DACH2: variants seen among roughly 807,000 people sequenced by gnomAD.
DACH2 encodes the protein dachshund homolog 2.
DACH2 carries 17 observed loss-of-function variants against 35.8 expected under a neutral mutation model. The observed-to-expected ratio is 0.48, with a 90% CI of 0.33 to 0.71. The LOEUF (loss-of-function observed/expected upper bound fraction) is 0.71, where lower values mean the gene tolerates loss of function less well. Ranked by LOEUF, DACH2 falls within the 30% of genes least tolerant of loss-of-function variation. The probability of loss-of-function intolerance (pLI) is 0.02; values close to 1 mark genes in which losing one functional copy is unlikely to be tolerated. For synonymous variants in DACH2, 195 were observed against 177.3 expected (o/e 1.10, Z -0.79); for missense variants, 469 against 472.7 (o/e 0.99, Z 0.07).
intron 1 of DACH2, among the ~76,000 whole-genome samples, chrX:86,323,450 C>A (rs1004013130): frequency 1.8e-5 from 2 of 112,165 alleles, no homozygotes; most frequent in Admixed American, 1.9e-4. Flanking sequence ...AATCCCTTGA[C>A]CTGCATGCCT....
At chrX:86,546,369 T>TCC (rs2038961227) in intron 3 of DACH2, among the ~76,000 whole-genome samples, 1 of 50,328 alleles carries the variant, frequency 2.0e-5, no homozygotes, top group African/African-American at 1.1e-4. Context: ...CTTCTTCTTC[T>TCC]TCTTCTTCTT....
intron 1 of DACH2, among the ~76,000 whole-genome samples, chrX:86,174,890 C>T (rs1057514717): frequency 2.7e-5 from 3 of 110,522 alleles, no homozygotes; most frequent in African/African-American, 9.9e-5. Flanking sequence ...TGCTATTTTG[C>T]CCAAGCTGAT....
At chrX:86,664,034 C>T (rs549099930) in intron 4 of DACH2, among the ~76,000 whole-genome samples, 2 of 111,852 alleles carry the variant, frequency 1.8e-5, no homozygotes, top group Middle Eastern at 9.3e-3. Flanking sequence ...ATTTTATAGG[C>T]AGCAGTGTCT....
intron 3 of DACH2, among the ~76,000 whole-genome samples, chrX:86,634,373 C>T (rs1298347046): frequency 7.2e-5 from 8 of 111,302 alleles, no homozygotes; most frequent in African/African-American, 2.6e-4. Context: ...TGAAAGCAAT[C>T]CTCCTAAGAA....
At chrX:86,540,540 A>G (rs1052984522) in intron 3 of DACH2, among the ~76,000 whole-genome samples, 11 of 112,533 alleles carry the variant, frequency 9.8e-5, no homozygotes, top group African/African-American at 1.6e-4. Context: ...TTCTGTTGGT[A>G]CATTCACTAG....
At chrX:86,345,425 A>G (rs1419949410) in intron 1 of DACH2, 1 of 304,945 alleles carries the variant, frequency 3.3e-6, no homozygotes, top group South Asian at 3.1e-5. Flanking sequence ...AGGAAAAAAA[A>G]TAGAAGGAAG....
At chrX:86,654,737 C>T (rs1466586801) in intron 4 of DACH2, among the ~76,000 whole-genome samples, 2 of 111,294 alleles carry the variant, frequency 1.8e-5, no homozygotes, top group East Asian at 5.6e-4. Context: ...GAACAAGGTA[C>T]TTTCAATACT....
intron 1 of DACH2, among the ~76,000 whole-genome samples, chrX:86,258,601 G>A (rs1182777618): frequency 9.0e-6 from 1 of 111,474 alleles, no homozygotes; most frequent in Admixed American, 9.6e-5. Flanking sequence ...TATCTTAATA[G>A]AAACTCACGT....
chrX:86,656,945 C>T (rs2040549746), intron 4 of DACH2, among the ~76,000 whole-genome samples: 1 of 99,954 alleles, frequency 1.0e-5, no homozygotes, highest in South Asian at 4.8e-4. Flanking sequence ...TTTGCAACAA[C>T]ATTGATGGAA....
At chrX:86,737,488 T>C (rs1421271033) in intron 6 of DACH2, among the ~76,000 whole-genome samples, 2 of 112,208 alleles carry the variant, frequency 1.8e-5, no homozygotes, top group Admixed American at 9.5e-5. Context: ...TTGTTGGATG[T>C]TAATGAAATG....
chrX:86,579,700 G>A (rs747684465), intron 3 of DACH2, among the ~76,000 whole-genome samples: 1 of 112,023 alleles, frequency 8.9e-6, no homozygotes, highest in South Asian at 3.7e-4. Context: ...TATGGATCTT[G>A]TTATTGTTTT....
chrX:86,643,171 T>A, intron 3 of DACH2, among the ~76,000 whole-genome samples: 1 of 57,914 alleles, frequency 1.7e-5, no homozygotes, highest in East Asian at 7.2e-4. Context: ...ATCCAGGAAT[T>A]GTTTTTTTTT....
intron 3 of DACH2, among the ~76,000 whole-genome samples, chrX:86,541,844 T>C (rs781266431): frequency 1.8e-5 from 2 of 111,442 alleles, no homozygotes; most frequent in Non-Finnish European, 3.8e-5. Context: ...GAGGAAGGTA[T>C]CTGCCATAAA....
At chrX:86,467,254 A>G (rs2037686874) in intron 2 of DACH2, among the ~76,000 whole-genome samples, 1 of 111,231 alleles carries the variant, frequency 9.0e-6, no homozygotes, top group South Asian at 3.8e-4. Flanking sequence ...AATACCCTAA[A>G]TAATCTCTCT....
intron 3 of DACH2, among the ~76,000 whole-genome samples, chrX:86,560,490 C>T (rs760261133): frequency 9.3e-6 from 1 of 107,496 alleles, no homozygotes; most frequent in South Asian, 4.1e-4. Flanking sequence ...GTTGGCCTGC[C>T]TTGCTAGATT....
intron 7 of DACH2, among the ~76,000 whole-genome samples, chrX:86,782,682 T>G: frequency 9.0e-6 from 1 of 111,717 alleles, no homozygotes; most frequent in African/African-American, 3.3e-5. Context: ...ATAAATGGTG[T>G]TGGGAAAACT....
chrX:86,686,966 C>T (rs1015298769), intron 4 of DACH2, among the ~76,000 whole-genome samples: 3 of 112,172 alleles, frequency 2.7e-5, no homozygotes, highest in Non-Finnish European at 5.6e-5. Flanking sequence ...TTGGGACTTT[C>T]CTTGAATTTT....
chrX:86,331,371 A>T lies in DACH2; in HGVS notation c.489-45453A>T, dbSNP rs1190591478. On this transcript the variant is annotated intron_variant, in intron 1 of 11. Transcript: ENST00000373125. Reference sequence around the variant, plus strand: ...ATAACAGCAGGGTCACTTGGATAACATTTCAGACAAGGGCTCATTTCTGAA... The same window carrying T: ...ATAACAGCAGGGTCACTTGGATAACTTTTCAGACAAGGGCTCATTTCTGAA... 2.7e-5 allele frequency among the ~76,000 whole-genome samples: 3 copies of T among 111,160 alleles called. No homozygotes were observed. The East Asian group carries it at 8.5e-4, about 32-fold the overall frequency.
intron 7 of DACH2, among the ~76,000 whole-genome samples, chrX:86,794,570 C>T (rs1263832842): frequency 9.1e-6 from 1 of 110,399 alleles, no homozygotes; most frequent in African/African-American, 3.3e-5. Context: ...AAATAATTAC[C>T]TGGGACCTGA....
Sources: allele counts gnomAD v4.1 joint callset (sites outside exome capture counted in the v4.1 genomes callset), GRCh38; gene constraint gnomAD v4.1.1; transcripts MANE v1.5; gene names NCBI Gene and HGNC (gene_info 2026-07-23, HGNC 2026-07-21).